The following PRKG1 variants were observed in gnomAD, a reference collection of about 807,000 sequenced individuals.
PRKG1 encodes the protein cGMP-dependent protein kinase 1.
PRKG1 carries 35 observed loss-of-function variants against 88.1 expected under a neutral mutation model. The observed-to-expected ratio is 0.40, with a 90% CI of 0.30 to 0.53. The LOEUF (loss-of-function observed/expected upper bound fraction) is 0.53. Among genes scored for constraint, PRKG1 ranks in the 20% least tolerant of loss-of-function variants. The pLI is 0.59. For synonymous variants in PRKG1, 303 were observed against 292.5 expected, an observed-to-expected ratio of 1.04 and a Z score of -0.37; for missense variants, 540 against 839.8, an observed-to-expected ratio of 0.64 and a Z score of 4.41.
At chr10:51,495,687 A>G (rs1006653503) in intron 3 of PRKG1, among the ~76,000 whole-genome samples, 2 of 152,230 alleles carry the variant, frequency 1.3e-5, no homozygotes, top group East Asian at 1.9e-4. Flanking sequence ...TCAAACATGC[A>G]TTGCTTTTAA....
chr10:51,014,186 C>G (rs535606825), intron 1 of PRKG1, among the ~76,000 whole-genome samples: 99 of 152,270 alleles, frequency 6.5e-4, no homozygotes, highest in Non-Finnish European at 1.1e-3. Context: ...CTTCCTATTG[C>G]TTTTGGCTCT....
At chr10:52,006,693 A>ATT (rs1844744989) in intron 5 of PRKG1, among the ~76,000 whole-genome samples, 6 of 152,248 alleles carry the variant, frequency 3.9e-5, no homozygotes, top group African/African-American at 1.4e-4. Context: ...AGCAACTTAG[A>ATT]AAACATATTT....
intron 2 of PRKG1, among the ~76,000 whole-genome samples, chr10:51,444,914 C>T (rs1486645420): frequency 6.6e-6 from 1 of 151,876 alleles, no homozygotes; most frequent in Non-Finnish European, 1.5e-5. Flanking sequence ...CGGGCGGAAT[C>T]TTGGGACTGG....
intron 3 of PRKG1, among the ~76,000 whole-genome samples, chr10:51,518,432 T>C (rs1004394572): frequency 6.6e-6 from 1 of 152,222 alleles, no homozygotes; most frequent in Non-Finnish European, 1.5e-5. Context: ...CTCACTTATC[T>C]CTGCTTTCCT....
chr10:51,556,311 T>C (rs1277966032), intron 3 of PRKG1, among the ~76,000 whole-genome samples: 1 of 152,080 alleles, frequency 6.6e-6, no homozygotes, highest in East Asian at 1.9e-4. Flanking sequence ...TTATTGTATA[T>C]ACTATATGAT....
intron 9 of PRKG1, among the ~76,000 whole-genome samples, chr10:52,245,196 T>C (rs1840993164): frequency 6.6e-6 from 1 of 151,832 alleles, no homozygotes; most frequent in African/African-American, 2.4e-5. Context: ...AGGCTCACTT[T>C]CTCAATGTTC....
chr10:51,863,460 A>G (rs1025754169), intron 4 of PRKG1, among the ~76,000 whole-genome samples: 1 of 152,120 alleles, frequency 6.6e-6, no homozygotes, highest in Admixed American at 6.6e-5. Context: ...TGTGCCACCA[A>G]TCTCAACCTC....
intron 3 of PRKG1, among the ~76,000 whole-genome samples, chr10:51,687,234 G>A (rs1035561404): frequency 6.6e-6 from 1 of 152,162 alleles, no homozygotes; most frequent in African/African-American, 2.4e-5. Context: ...TCAAAGACAA[G>A]GTTAAAAGCA....
At chr10:51,982,611 C>G (rs1042649497) in intron 5 of PRKG1, among the ~76,000 whole-genome samples, 1 of 152,182 alleles carries the variant, frequency 6.6e-6, no homozygotes, top group East Asian at 1.9e-4. Flanking sequence ...GGATTGTGTT[C>G]TGTAACTCTG....
chr10:51,752,674 T>G (rs1214406670), intron 3 of PRKG1, among the ~76,000 whole-genome samples: 1 of 152,142 alleles, frequency 6.6e-6, no homozygotes, highest in African/African-American at 2.4e-5. Context: ...ACCGTTTGTT[T>G]TGTTTCATTT....
intron 4 of PRKG1, among the ~76,000 whole-genome samples, chr10:51,806,295 T>G (rs1301007305): frequency 6.6e-6 from 1 of 152,178 alleles, no homozygotes; most frequent in Non-Finnish European, 1.5e-5. Flanking sequence ...TCCAAGAAAA[T>G]GGACTGAGTG....
chr10:51,997,710 G>A (rs142630459), intron 5 of PRKG1, among the ~76,000 whole-genome samples: 1 of 152,190 alleles, frequency 6.6e-6, no homozygotes, highest in African/African-American at 2.4e-5. Flanking sequence ...TACAATTTTA[G>A]TAAATTCTAG....
At chr10:51,765,486 C>T (rs1838134264) in intron 3 of PRKG1, among the ~76,000 whole-genome samples, 1 of 152,230 alleles carries the variant, frequency 6.6e-6, no homozygotes, top group Non-Finnish European at 1.5e-5. Flanking sequence ...ATTAACCTCT[C>T]ATTGCTGCTT....
At chr10:51,751,248 C>G (rs761846747) in intron 3 of PRKG1, among the ~76,000 whole-genome samples, 3 of 152,068 alleles carry the variant, frequency 2.0e-5, no homozygotes, top group Admixed American at 6.6e-5. Context: ...TTGTTTGTTT[C>G]TTTGTGTGAA....
chr10:51,658,042 G>C (rs1248807191), intron 3 of PRKG1, among the ~76,000 whole-genome samples: 1 of 152,264 alleles, frequency 6.6e-6, no homozygotes. Flanking sequence ...TCAACAGCTG[G>C]TTATAAGACC....
chr10:52,009,703 G>A (rs1238841306), intron 5 of PRKG1, among the ~76,000 whole-genome samples: 1 of 151,908 alleles, frequency 6.6e-6, no homozygotes, highest in Non-Finnish European at 1.5e-5. Flanking sequence ...AAAAAAAGAG[G>A]CCACATAGGC....
chr10:51,913,217 C>T (rs943109964), intron 5 of PRKG1, among the ~76,000 whole-genome samples: 7 of 152,176 alleles, frequency 4.6e-5, no homozygotes, highest in East Asian at 1.9e-4. Context: ...GCGTGAGCCA[C>T]GGCGCCCACC....
intron 7 of PRKG1, among the ~76,000 whole-genome samples, chr10:52,114,370 T>A (rs1847638144): frequency 6.6e-6 from 1 of 152,082 alleles, no homozygotes; most frequent in African/African-American, 2.4e-5. Context: ...GGAGGGAAAC[T>A]TTTCTGTCAA....
chr10:51,453,077 A>T (rs985533894), intron 2 of PRKG1, among the ~76,000 whole-genome samples: 1 of 151,942 alleles, frequency 6.6e-6, no homozygotes, highest in African/African-American at 2.4e-5. Context: ...GTTTGTGCAC[A>T]TAAAGGTGTT....
Sources: gnomAD v4.1 joint callset for allele counts (sites outside exome capture counted in the v4.1 genomes callset) on GRCh38, gnomAD v4.1.1 for gene constraint, MANE v1.5 for transcripts, NCBI Gene and HGNC (gene_info 2026-07-23, HGNC 2026-07-21) for gene names.